MEGF9: variants seen among roughly 807,000 people sequenced by gnomAD.
MEGF9 encodes the protein multiple epidermal growth factor-like domains protein 9.
A neutral mutation model predicts 46.8 loss-of-function variants in MEGF9; 6 were observed. The observed-to-expected ratio is 0.13, with a 90% confidence interval of 0.07 to 0.25. MEGF9 has a LOEUF of 0.25. Among genes scored for constraint, MEGF9 ranks in the 10% least tolerant of loss-of-function variants. The pLI, the probability that MEGF9 is intolerant of heterozygous loss-of-function variation, is 1.00. For synonymous variants in MEGF9, 302 were observed against 330.7 expected, an observed-to-expected ratio of 0.91 and a Z score of 0.94; for missense variants, 683 against 792.4, an observed-to-expected ratio of 0.86 and a Z score of 1.66.
intron 2 of MEGF9, among the ~76,000 whole-genome samples, chr9:120,627,276 C>T (rs2043529549): frequency 6.6e-6 from 1 of 152,056 alleles, no homozygotes; most frequent in African/African-American, 2.4e-5. Context: ...GCTTTTCTAC[C>T]AACTAGTTAA....
intron 1 of MEGF9, among the ~76,000 whole-genome samples, chr9:120,674,160 T>C (rs558271279): frequency 1.3e-5 from 2 of 152,110 alleles, no homozygotes; most frequent in East Asian, 1.9e-4. Context: ...TTTATTAAAA[T>C]GAAATACTTT....
At chr9:120,651,601 A>C (rs1452449897) in intron 2 of MEGF9, among the ~76,000 whole-genome samples, 1 of 152,176 alleles carries the variant, frequency 6.6e-6, no homozygotes, top group Non-Finnish European at 1.5e-5. Flanking sequence ...TATTCAGTTT[A>C]AGCTATTATT....
At chr9:120,641,625 A>G (rs955405478) in intron 2 of MEGF9, among the ~76,000 whole-genome samples, 1 of 152,154 alleles carries the variant, frequency 6.6e-6, no homozygotes, top group Non-Finnish European at 1.5e-5. Context: ...TTTTTATTCA[A>G]TAGGTCTGGT....
At position 120,604,986 on chromosome 9, in the gene MEGF9, A is replaced by G. The variant is rs1453271682; in HGVS notation, c.*204T>C. On this transcript the variant is annotated 3_prime_UTR_variant, in exon 6 of 6. Transcript: ENST00000373930. ...AAAAATATACTTTACTTCAAGTCCT[A>G]ATGACAGTGAACGCTTCAGATCTTC... 1.7e-6 allele frequency: 1 copy of G among 594,146 alleles called. No individual in the cohort carries two copies. Among genetic ancestry groups the G allele is most frequent in the East Asian group, 2.8e-5 (1 of 35,608 alleles). 36.8% of individuals were successfully genotyped at this position (594,146 alleles called of 1,614,324 possible).
chr9:120,635,730 T>G (rs1275628360), intron 2 of MEGF9, among the ~76,000 whole-genome samples: 1 of 152,222 alleles, frequency 6.6e-6, no homozygotes, highest in Non-Finnish European at 1.5e-5. Context: ...CCTTTTCTGA[T>G]TGACTGAACT....
chr9:120,612,656 G>A, intron 3 of MEGF9, 117 bp from the exon 4 acceptor site: 1 of 882,630 alleles, frequency 1.1e-6, no homozygotes, highest in South Asian at 1.9e-5. Context: ...ATAGGGATTG[G>A]ATAGAGTTAA....
At chr9:120,622,531 C>G in intron 3 of MEGF9, 85 bp downstream of exon 3, 2 of 1,391,556 alleles carry the variant, frequency 1.4e-6, no homozygotes, top group Non-Finnish European at 1.9e-6. Flanking sequence ...CAAACTATTT[C>G]AGAAGAATCA....
At chr9:120,675,063 A>G (rs142278814) in intron 1 of MEGF9, among the ~76,000 whole-genome samples, 1 of 152,186 alleles carries the variant, frequency 6.6e-6, no homozygotes, top group African/African-American at 2.4e-5. Flanking sequence ...AAAGTTAAAT[A>G]TATACCTACC....
intron 1 of MEGF9, among the ~76,000 whole-genome samples, chr9:120,675,522 G>C (rs1415058534): frequency 6.6e-6 from 1 of 152,138 alleles, no homozygotes; most frequent in East Asian, 1.9e-4. Context: ...AAGCCTGGGA[G>C]GTCAAGGTTG....
At chr9:120,700,709 T>C (rs1183853782) in intron 1 of MEGF9, among the ~76,000 whole-genome samples, 2 of 152,154 alleles carry the variant, frequency 1.3e-5, no homozygotes, top group South Asian at 2.1e-4. Flanking sequence ...TAAAAATCTA[T>C]TCAAGTTATC....
At chr9:120,632,147 G>C (rs756678265) in intron 2 of MEGF9, among the ~76,000 whole-genome samples, 1 of 152,046 alleles carries the variant, frequency 6.6e-6, no homozygotes, top group East Asian at 1.9e-4. Context: ...AGATGGTCTT[G>C]ATCTCTTTAC....
intron 1 of MEGF9, among the ~76,000 whole-genome samples, chr9:120,682,572 T>TACACAC (rs34220125): frequency 8.0e-5 from 12 of 150,330 alleles, no homozygotes; most frequent in African/African-American, 2.2e-4. Context: ...AACCAATTCT[T>TACACAC]ACACACACAC....
chr9:120,675,863 G>T (rs2043770742), intron 1 of MEGF9, among the ~76,000 whole-genome samples: 1 of 139,350 alleles, frequency 7.2e-6, no homozygotes. Flanking sequence ...ACTCCAGCCT[G>T]GCCGACAGAG....
intron 2 of MEGF9, among the ~76,000 whole-genome samples, chr9:120,631,158 T>A (rs918681151): frequency 6.6e-6 from 1 of 152,202 alleles, no homozygotes; most frequent in Non-Finnish European, 1.5e-5. Context: ...TTTTTGTATA[T>A]GGTGAGAGAT....
intron 3 of MEGF9, among the ~76,000 whole-genome samples, chr9:120,618,897 C>CAA (rs1313292513): frequency 9.6e-6 from 1 of 104,224 alleles, no homozygotes; most frequent in African/African-American, 3.4e-5. Flanking sequence ...GACTCGGTCT[C>CAA]AAAAAAAAAA....
chr9:120,666,486 C>CA (rs1396162290), intron 1 of MEGF9, among the ~76,000 whole-genome samples: 1 of 152,078 alleles, frequency 6.6e-6, no homozygotes, highest in Non-Finnish European at 1.5e-5. Flanking sequence ...AATACACAAA[C>CA]AAAAAAACTG....
intron 2 of MEGF9, among the ~76,000 whole-genome samples, chr9:120,628,477 T>C (rs962126178): frequency 7.2e-6 from 1 of 138,086 alleles, no homozygotes; most frequent in African/African-American, 2.7e-5. Flanking sequence ...TGTTTTTTTT[T>C]TTTTTTTTTT....
intron 1 of MEGF9, among the ~76,000 whole-genome samples, chr9:120,669,361 T>C (rs889389061): frequency 3.3e-5 from 5 of 152,148 alleles, no homozygotes; most frequent in Admixed American, 2.0e-4. Flanking sequence ...AAAATAAAAT[T>C]AGAGCTGGTC....
At chr9:120,675,903 A>AC (rs1308873726) in intron 1 of MEGF9, among the ~76,000 whole-genome samples, 4 of 151,298 alleles carry the variant, frequency 2.6e-5, no homozygotes, top group South Asian at 2.1e-4. Flanking sequence ...AAAAAAAAAA[A>AC]AAAAAAACAA....
Sources: allele counts gnomAD v4.1 joint callset (sites outside exome capture counted in the v4.1 genomes callset), GRCh38; gene constraint gnomAD v4.1.1; transcripts MANE v1.5; gene names NCBI Gene and HGNC (gene_info 2026-07-23, HGNC 2026-07-21).